Variants in LRCH1 observed in about 807,000 individuals in gnomAD.
The protein encoded by LRCH1 is leucine-rich repeat and calponin homology domain-containing protein 1.
In LRCH1, 23 loss-of-function variants were observed where a neutral mutation model predicts 94.9. That is an observed-to-expected ratio of 0.24 (90% CI 0.17 to 0.34). The LOEUF (loss-of-function observed/expected upper bound fraction) is 0.34, where lower values mean the gene tolerates loss of function less well. LRCH1 is among the 10% of genes least tolerant of loss of function. LRCH1 has a pLI of 1.00. For synonymous variants in LRCH1, 364 were observed against 354.9 expected, an observed-to-expected ratio of 1.03 and a Z score of -0.29; for missense variants, 790 against 945.9, an observed-to-expected ratio of 0.84 and a Z score of 2.16.
At chr13:46,750,625 C>G (rs1349640731) in exon 19 of LRCH1, 1 of 1,551,620 alleles carries the variant, frequency 6.4e-7, no homozygotes, top group East Asian at 2.4e-5. Flanking sequence ...CTAGACATCA[C>G]CGTAACGAAG....
Position 46,743,263 on chromosome 13 carries a change from T to G in LRCH1, c.*1415T>G. 1.0e-6 allele frequency: 1 copy of G among 985,490 alleles called. No individual in the cohort carries two copies. The highest frequency in any genetic ancestry group is 1.2e-6 in the Non-Finnish European group (1 of 829,614). 61.0% of individuals were successfully genotyped at this position (985,490 alleles called of 1,614,324 possible). A position where few individuals can be genotyped will look rare whatever the true frequency, so the allele number is the denominator to read the frequency against. Reference sequence around the variant, plus strand: ...TTCATGAATCCAGGGGACTTGAAAATATGGAAGACCCACATAGTTAGAAGA... The same window carrying G: ...TTCATGAATCCAGGGGACTTGAAAAGATGGAAGACCCACATAGTTAGAAGA... On this transcript the variant is annotated 3_prime_UTR_variant, in exon 20 of 20. Coordinates refer to ENST00000389797, the MANE Select transcript of LRCH1 (RefSeq NM_001164211.2).
chr13:46,633,647 C>A (rs77867837), intron 1 of LRCH1, among the ~76,000 whole-genome samples: 18,106 of 152,008 alleles, frequency 0.12, 1,535 homozygotes, highest in East Asian at 0.25. Context: ...TTTCTTTCCT[C>A]ATGTTTCACA....
At chr13:46,609,870 C>A (rs2050728393) in intron 1 of LRCH1, among the ~76,000 whole-genome samples, 1 of 152,170 alleles carries the variant, frequency 6.6e-6, no homozygotes, top group African/African-American at 2.4e-5. Flanking sequence ...GGCTGCCAGA[C>A]ACACACAGCT....
chr13:46,669,706 T>C (rs1239652055), intron 3 of LRCH1, among the ~76,000 whole-genome samples: 1 of 152,244 alleles, frequency 6.6e-6, no homozygotes, highest in Non-Finnish European at 1.5e-5. Flanking sequence ...TGAGATGCAC[T>C]GTTATATTTC....
chr13:46,717,182 G>C (rs1210289858), intron 16 of LRCH1, among the ~76,000 whole-genome samples: 1 of 152,156 alleles, frequency 6.6e-6, no homozygotes, highest in Non-Finnish European at 1.5e-5. Context: ...TGGGGTTGAG[G>C]TGGAGGTGAA....
At chr13:46,635,534 G>A (rs1035746058) in intron 1 of LRCH1, among the ~76,000 whole-genome samples, 8 of 129,690 alleles carry the variant, frequency 6.2e-5, no homozygotes, top group Non-Finnish European at 9.3e-5. Flanking sequence ...GCAGTGGCAC[G>A]ATCTCAGCTC....
At chr13:46,555,691 T>C (rs1043516935) in intron 1 of LRCH1, among the ~76,000 whole-genome samples, 12 of 152,214 alleles carry the variant, frequency 7.9e-5, no homozygotes, top group Non-Finnish European at 1.5e-5. Context: ...ACAGTATTAT[T>C]TGGGGGAAGA....
intron 2 of LRCH1, among the ~76,000 whole-genome samples, chr13:46,667,491 A>G (rs2051532581): frequency 7.6e-6 from 1 of 130,764 alleles, no homozygotes; most frequent in Non-Finnish European, 1.6e-5. Flanking sequence ...ACACTTGGAC[A>G]CAGGAAGGGG....
chr13:46,650,454 A>C (rs2051278211), intron 2 of LRCH1, 109 bp downstream of exon 2: 1 of 880,398 alleles, frequency 1.1e-6, no homozygotes, highest in Non-Finnish European at 1.7e-6. Flanking sequence ...TTTTTCTTTG[A>C]TGTAGGTCAC....
At chr13:46,745,419 G>A (rs118164382), downstream of LRCH1, among the ~76,000 whole-genome samples, 2 of 152,172 alleles carry the variant, frequency 1.3e-5, no homozygotes, top group East Asian at 1.9e-4. Context: ...ATAGGGGACC[G>A]TGAACGCATC....
chr13:46,646,029 A>G (rs987928186), intron 1 of LRCH1, among the ~76,000 whole-genome samples: 5 of 152,228 alleles, frequency 3.3e-5, no homozygotes, highest in Non-Finnish European at 5.9e-5. Flanking sequence ...AACTTCCAGC[A>G]CTGTAGCACA....
At chr13:46,679,412 AG>A (rs745837696) in intron 3 of LRCH1, among the ~76,000 whole-genome samples, 4 of 152,340 alleles carry the variant, frequency 2.6e-5, no homozygotes, top group South Asian at 2.1e-4. Context: ...AATTGGGAAA[AG>A]ATGGCATTTC....
exon 19 of LRCH1, chr13:46,751,471 C>T (rs948028392): frequency 6.6e-6 from 1 of 151,896 alleles, no homozygotes; most frequent in African/African-American, 2.4e-5. Flanking sequence ...ATATAATGAA[C>T]TGACTAAAAT....
At chr13:46,581,837 C>T (rs2050369189) in intron 1 of LRCH1, among the ~76,000 whole-genome samples, 1 of 152,032 alleles carries the variant, frequency 6.6e-6, no homozygotes, top group South Asian at 2.1e-4. Context: ...TTTTTGTCCC[C>T]CCATTCCATA....
At chr13:46,554,074 C>T (rs1212052538) in intron 1 of LRCH1, among the ~76,000 whole-genome samples, 2 of 152,272 alleles carry the variant, frequency 1.3e-5, no homozygotes, top group Admixed American at 6.5e-5. Flanking sequence ...GCGGCTGTGT[C>T]GGCTTCCTGG....
rs554433057 is a variant in LRCH1 at position 46,609,450 on chromosome 13, G to A, written c.308-40751G>A. On this transcript the variant is annotated intron_variant, in intron 1 of 19. Transcript: ENST00000389797. The stretch of plus-strand genomic sequence containing the variant: ...ACTACATTTTGGTAATGCTGGCAAC[G>A]AGGGCACAAGGAAATAAATTGTCTG... 5.9e-5 allele frequency among the ~76,000 whole-genome samples: 9 copies of A among 152,262 alleles called. No individual in the cohort carries two copies. The East Asian group carries it at 1.3e-3, about 23-fold the overall frequency.
chr13:46,730,373 C>T (rs1873040348), intron 18 of LRCH1, among the ~76,000 whole-genome samples: 1 of 151,942 alleles, frequency 6.6e-6, no homozygotes, highest in African/African-American at 2.4e-5. Flanking sequence ...ATTTGGAGCC[C>T]CATAAAAGTG....
At chr13:46,589,958 A>T (rs1281288172) in intron 1 of LRCH1, among the ~76,000 whole-genome samples, 1 of 147,188 alleles carries the variant, frequency 6.8e-6, no homozygotes, top group East Asian at 2.0e-4. Context: ...CTTGCCTTGG[A>T]GGACATCCCA....
intron 1 of LRCH1, among the ~76,000 whole-genome samples, chr13:46,556,849 G>C (rs1459532266): frequency 6.6e-6 from 1 of 152,176 alleles, no homozygotes; most frequent in African/African-American, 2.4e-5. Context: ...AATGTACTGA[G>C]CCCCTCTGAG....
Sources: allele counts gnomAD v4.1 joint callset (sites outside exome capture counted in the v4.1 genomes callset), GRCh38; gene constraint gnomAD v4.1.1; transcripts MANE v1.5; gene names NCBI Gene and HGNC (gene_info 2026-07-23, HGNC 2026-07-21).